BABAM2: variants seen among roughly 807,000 people sequenced by gnomAD.
The protein encoded by BABAM2 is BRISC and BRCA1 A complex member 2, also known as BRISC and BRCA1-A complex member 2.
In BABAM2, 31 loss-of-function variants were observed where a neutral mutation model predicts 54.7. That is an observed-to-expected ratio of 0.57 (90% CI 0.43 to 0.77). The LOEUF is 0.77. Among genes scored for constraint, BABAM2 ranks in the 30% least tolerant of loss-of-function variants. BABAM2 has a pLI of 0.00. For missense variants in BABAM2, 364 were observed against 455.8 expected (o/e 0.80, Z 1.83); for synonymous variants, 167 against 162.9 (o/e 1.03, Z -0.19).
At chr2:27,909,731 G>T (rs529055419) in intron 2 of BABAM2, among the ~76,000 whole-genome samples, 1 of 152,158 alleles carries the variant, frequency 6.6e-6, no homozygotes, top group African/African-American at 2.4e-5. Flanking sequence ...TGTGGCAAAG[G>T]ACACCCATTT....
At chr2:28,332,538 T>G (rs1691053718) in intron 11 of BABAM2, among the ~76,000 whole-genome samples, 1 of 152,190 alleles carries the variant, frequency 6.6e-6, no homozygotes, top group Non-Finnish European at 1.5e-5. Flanking sequence ...TGCCTCCTAG[T>G]GCAGTGCTCT....
intron 10 of BABAM2, among the ~76,000 whole-genome samples, chr2:28,267,936 T>C (rs1685120136): frequency 6.6e-6 from 1 of 152,238 alleles, no homozygotes; most frequent in Admixed American, 6.5e-5. Flanking sequence ...AAATGTTCAC[T>C]GACAGAGGAA....
intron 4 of BABAM2, among the ~76,000 whole-genome samples, chr2:28,022,799 G>A (rs538853646): frequency 6.6e-6 from 1 of 152,308 alleles, no homozygotes; most frequent in South Asian, 2.1e-4. Flanking sequence ...CCCTGAAGGA[G>A]CTTTGGGCAT....
intron 7 of BABAM2, among the ~76,000 whole-genome samples, chr2:28,132,505 C>A (rs1412081218): frequency 3.9e-5 from 6 of 152,084 alleles, no homozygotes; most frequent in African/African-American, 1.4e-4. Flanking sequence ...GGTTGCTTCC[C>A]CTCATATACT....
chr2:27,913,756 C>T (rs1480637732), intron 2 of BABAM2, among the ~76,000 whole-genome samples: 1 of 152,136 alleles, frequency 6.6e-6, no homozygotes, highest in East Asian at 1.9e-4. Flanking sequence ...ACTCTTATTT[C>T]TGTACATTTT....
intron 2 of BABAM2, among the ~76,000 whole-genome samples, chr2:27,911,990 A>G (rs915927185): frequency 7.9e-5 from 12 of 152,198 alleles, no homozygotes; most frequent in African/African-American, 2.9e-4. Flanking sequence ...AGCCACTCAA[A>G]GAAAAGAGCC....
chr2:27,930,693 A>T (rs888380131), intron 3 of BABAM2, among the ~76,000 whole-genome samples: 4 of 152,164 alleles, frequency 2.6e-5, no homozygotes, highest in Non-Finnish European at 4.4e-5. Context: ...TTGATCTTGG[A>T]TGGATAGTAT....
chr2:27,909,303 T>A (rs1008787415), intron 2 of BABAM2, among the ~76,000 whole-genome samples: 1 of 152,154 alleles, frequency 6.6e-6, no homozygotes, highest in Non-Finnish European at 1.5e-5. Flanking sequence ...CTTTGGCCTC[T>A]TAAAGTGCTG....
chr2:28,101,340 C>T (rs992418812), intron 6 of BABAM2, among the ~76,000 whole-genome samples: 1 of 152,112 alleles, frequency 6.6e-6, no homozygotes, highest in East Asian at 1.9e-4. Context: ...GAACCTATGA[C>T]AGAGTTTGTC....
intron 6 of BABAM2, among the ~76,000 whole-genome samples, chr2:28,105,494 G>A (rs554124948): frequency 3.9e-5 from 6 of 152,226 alleles, no homozygotes; most frequent in African/African-American, 1.4e-4. Context: ...AAAAGCACAG[G>A]CCATGAGTTG....
chr2:28,075,744 A>G (rs1280526753), intron 6 of BABAM2, among the ~76,000 whole-genome samples: 1 of 152,174 alleles, frequency 6.6e-6, no homozygotes, highest in Non-Finnish European at 1.5e-5. Flanking sequence ...AGTCACTGCA[A>G]ATAGGCAGCT....
chr2:28,008,695 G>C (rs558838466), intron 4 of BABAM2, among the ~76,000 whole-genome samples: 1 of 152,208 alleles, frequency 6.6e-6, no homozygotes, highest in East Asian at 1.9e-4. Flanking sequence ...TCACACCATT[G>C]AGTAAGCTAT....
At chr2:28,176,444 C>A (rs561590543) in intron 7 of BABAM2, among the ~76,000 whole-genome samples, 2 of 151,376 alleles carry the variant, frequency 1.3e-5, no homozygotes, top group African/African-American at 4.8e-5. Flanking sequence ...GTGGCGCACA[C>A]CTGTAGTCCC....
intron 11 of BABAM2, among the ~76,000 whole-genome samples, chr2:28,300,502 G>A (rs1411959680): frequency 1.3e-5 from 2 of 152,198 alleles, no homozygotes; most frequent in Admixed American, 6.5e-5. Context: ...TTTTATGCTT[G>A]AAGTATTGAT....
At chr2:28,274,231 C>T (rs1685681368) in intron 10 of BABAM2, among the ~76,000 whole-genome samples, 1 of 152,210 alleles carries the variant, frequency 6.6e-6, no homozygotes, top group Admixed American at 6.5e-5. Context: ...CCTTGACCTC[C>T]TCATCTTTCT....
intron 7 of BABAM2, among the ~76,000 whole-genome samples, chr2:28,178,677 A>G (rs1675281289): frequency 7.4e-6 from 1 of 135,450 alleles, no homozygotes; most frequent in Non-Finnish European, 1.6e-5. Flanking sequence ...TACAAAAAAT[A>G]CAAAGGACCA....
intron 4 of BABAM2, 122 bp from the exon 5 acceptor site, chr2:28,025,104 G>T (rs1484161389): frequency 2.4e-6 from 2 of 838,000 alleles, no homozygotes; most frequent in Admixed American, 5.7e-5. Context: ...GGCTAAGGAG[G>T]AGTAGTCTGT....
At chr2:28,225,766 C>A (rs747905624) in intron 7 of BABAM2, among the ~76,000 whole-genome samples, 1 of 151,696 alleles carries the variant, frequency 6.6e-6, no homozygotes, top group Non-Finnish European at 1.5e-5. Context: ...GCCTAATGCT[C>A]ACCTCACCCT....
chr2:28,112,183 C>CTCCT lies in BABAM2; in HGVS notation c.571-17085_571-17084insTTCC, dbSNP rs1558347156. Among the ~76,000 whole-genome samples, 22 of 69,868 alleles carry CTCCT rather than the reference C, an allele frequency of 3.1e-4. 1 individual carries two copies. The highest frequency in any genetic ancestry group is 6.8e-3 in the Middle Eastern group (1 of 146). 45.8% of individuals were successfully genotyped at this position (69,868 alleles called of 152,430 possible). A position where few individuals can be genotyped will look rare whatever the true frequency, so the allele number is the denominator to read the frequency against. On this transcript the variant is annotated intron_variant, in intron 6 of 11. Coordinates refer to ENST00000379624, the MANE Select transcript of BABAM2 (RefSeq NM_199191.3). ...CCTCCCTCCCTCCCTCCCTCCCTCC[C>CTCCT]TCCCTCCCTCCCTCCCTTCCTTCCT...
Sources: allele counts gnomAD v4.1 joint callset (sites outside exome capture counted in the v4.1 genomes callset), GRCh38; gene constraint gnomAD v4.1.1; transcripts MANE v1.5; gene names NCBI Gene and HGNC (gene_info 2026-07-23, HGNC 2026-07-21).